ECRG4: variants seen among roughly 807,000 people sequenced by gnomAD.
ECRG4 encodes the protein augurin.
In ECRG4, 18 loss-of-function variants were observed where a neutral mutation model predicts 15.8. The observed-to-expected ratio is 1.14, with a 90% confidence interval of 0.79 to 1.69. The LOEUF (loss-of-function observed/expected upper bound fraction) is 1.69, where lower values mean the gene tolerates loss of function less well. Ranked by LOEUF, ECRG4 falls within the 40% of genes most tolerant of loss-of-function variation. The pLI is 0.00. For missense variants in ECRG4, 200 were observed against 190.9 expected, an observed-to-expected ratio of 1.05 and a Z score of -0.28; for synonymous variants, 82 against 73.9, an observed-to-expected ratio of 1.11 and a Z score of -0.56.
chr2:106,072,710 T>C (rs978137966), intron 2 of ECRG4, among the ~76,000 whole-genome samples: 8 of 152,250 alleles, frequency 5.3e-5, no homozygotes, highest in African/African-American at 1.7e-4. Context: ...CTTGGGGCGG[T>C]CCCAGCATCT....
At chr2:106,067,047 A>C (rs1676232089) in intron 1 of ECRG4, among the ~76,000 whole-genome samples, 1 of 29,244 alleles carries the variant, frequency 3.4e-5, no homozygotes. Flanking sequence ...TAATCCCAGC[A>C]CTTTGGGAGG....
At chr2:106,071,956 G>A in intron 2 of ECRG4, 65 bp downstream of exon 2, 1 of 1,392,618 alleles carries the variant, frequency 7.2e-7, no homozygotes, top group South Asian at 1.2e-5. Flanking sequence ...TGGCAATATG[G>A]ATTGTGCTCA....
intron 2 of ECRG4, among the ~76,000 whole-genome samples, chr2:106,073,175 G>A (rs1299598748): frequency 6.6e-6 from 1 of 152,200 alleles, no homozygotes; most frequent in Non-Finnish European, 1.5e-5. Flanking sequence ...GGAGAAAAAC[G>A]CCTAATGGCA....
intron 2 of ECRG4, among the ~76,000 whole-genome samples, chr2:106,072,920 G>A (rs774753310): frequency 5.9e-5 from 9 of 152,206 alleles, no homozygotes; most frequent in South Asian, 2.1e-4. Context: ...TGTGCATCCC[G>A]CAGCCTTGAC....
At chr2:106,075,531 G>T (rs967391392) in intron 3 of ECRG4, among the ~76,000 whole-genome samples, 1 of 152,146 alleles carries the variant, frequency 6.6e-6, no homozygotes, top group Non-Finnish European at 1.5e-5. Context: ...AGACCAGCCT[G>T]GCCAACAGGG....
chr2:106,067,824 T>C (rs923430414), intron 1 of ECRG4, among the ~76,000 whole-genome samples: 1 of 151,150 alleles, frequency 6.6e-6, no homozygotes, highest in East Asian at 2.0e-4. Flanking sequence ...TGACTCTTTA[T>C]GCCACCTCCA....
At chr2:106,067,699 T>G (rs555065989) in intron 1 of ECRG4, among the ~76,000 whole-genome samples, 54 of 152,148 alleles carry the variant, frequency 3.5e-4, no homozygotes, top group Non-Finnish European at 5.7e-4. Context: ...GTCAGGCTGG[T>G]CTCAAACTGC....
Position 106,078,028 on chromosome 2 carries a change from G to A in ECRG4, c.*102G>A, listed in dbSNP as rs1676523261. ...GTTTCTGATTTGCTCTATTTCAGCA[G>A]ATCTTTTCTACCTACTTTGTGTGAT... On this transcript the variant is annotated 3_prime_UTR_variant, in exon 4 of 4. Coordinates refer to ENST00000238044, the MANE Select transcript of ECRG4 (RefSeq NM_032411.3). 2 of 1,113,998 alleles carry A rather than the reference G, an allele frequency of 1.8e-6. No individual in the cohort carries two copies. The highest frequency in any genetic ancestry group is 5.4e-5 in the East Asian group (2 of 37,060). 69.0% of individuals were successfully genotyped at this position (1,113,998 alleles called of 1,614,324 possible).
At chr2:106,073,644 A>G (rs1676417325) in intron 2 of ECRG4, among the ~76,000 whole-genome samples, 1 of 152,198 alleles carries the variant, frequency 6.6e-6, no homozygotes, top group South Asian at 2.1e-4. Context: ...CTGAGGACCT[A>G]GAGGTTGAAG....
intron 3 of ECRG4, chr2:106,074,307 C>G (rs1353318091): frequency 2.6e-6 from 1 of 380,568 alleles, no homozygotes. Context: ...CTAGATTCAT[C>G]GAGAATCTGA....
chr2:106,077,962 G>C lies in ECRG4; in HGVS notation c.*36G>C, dbSNP rs888304735. On this transcript the variant is annotated 3_prime_UTR_variant, in exon 4 of 4. Coordinates refer to ENST00000238044, the MANE Select transcript of ECRG4 (RefSeq NM_032411.3). ...CCACACGCTGTACAAGAAGCAAATA[G>C]CGATTCTCTTCATGTATCTCCTAAT... The C allele has an allele frequency of 1.3e-6, 2 of 1,599,874 alleles. No homozygotes were observed. The highest frequency in any genetic ancestry group is 2.7e-5 in the African/African-American group (2 of 74,398).
chr2:106,067,953 G>A (rs1265450935), intron 1 of ECRG4, among the ~76,000 whole-genome samples: 6 of 151,240 alleles, frequency 4.0e-5, no homozygotes, highest in South Asian at 4.2e-4. Flanking sequence ...TCCCACCTCA[G>A]CCTCCCGAGT....
intron 2 of ECRG4, 67 bp from the exon 3 acceptor site, chr2:106,073,819 G>C (rs748320845): frequency 6.3e-7 from 1 of 1,581,792 alleles, no homozygotes; most frequent in African/African-American, 1.3e-5. Flanking sequence ...TGTATAACAG[G>C]GATTCACCGC....
intron 1 of ECRG4, among the ~76,000 whole-genome samples, chr2:106,071,349 A>AAAAAAG (rs1676366428): frequency 2.2e-5 from 3 of 137,522 alleles, no homozygotes; most frequent in Admixed American, 7.6e-5. Flanking sequence ...AAAAAAAAAA[A>AAAAAAG]AAAGAAAGAA....
Position 106,072,012 on chromosome 2 carries a change from G to T in ECRG4, c.127+121G>T, listed in dbSNP as rs1271002815. 3 of 781,098 alleles carry T rather than the reference G, an allele frequency of 3.8e-6. No individual in the cohort carries two copies. In the Admixed American group the frequency reaches 6.7e-5, roughly 17 times the overall value. The allele number at this position is 781,098 out of a possible 1,614,324, so 48.4% of individuals were successfully genotyped here. ...AATCAAAAGTGTTTACTCCTTAAAA[G>T]GTTAGCAGATATGAAGGGCTTATTC... On this transcript the variant is annotated intron_variant, in intron 2 of 3. Transcript: ENST00000238044.
chr2:106,069,287 T>C (rs553665895), intron 1 of ECRG4, among the ~76,000 whole-genome samples: 38 of 150,802 alleles, frequency 2.5e-4, no homozygotes, highest in South Asian at 6.3e-4. Context: ...CTTTTTCTCT[T>C]TCTTTCTTTC....
In ECRG4 at chr2:106,074,004, G is replaced by C. The variant is rs146499319; in HGVS notation, c.246G>C (p.Gln82His). Reference sequence around the variant, plus strand: ...ACCGGACTCGGCCCGAGGTGCAGCAGTGGTACCAGCAGTTTCTCTACATGG... The same window carrying C: ...ACCGGACTCGGCCCGAGGTGCAGCACTGGTACCAGCAGTTTCTCTACATGG... ...LWDRTRPEVQ[Q>H]WYQQFLYMGF... Residue 82 changes from glutamine to histidine, a missense_variant, in exon 3 of 4, where the codon CAG (glutamine) becomes CAC (histidine). Transcript: ENST00000238044. 12 of 1,613,716 alleles carry C rather than the reference G, an allele frequency of 7.4e-6. No homozygotes were observed. Among genetic ancestry groups the C allele is most frequent in the Non-Finnish European group, 1.0e-5 (12 of 1,180,058 alleles).
At chr2:106,073,813 T>G (rs1442990546) in intron 2 of ECRG4, 73 bp from the exon 3 acceptor site, 10 of 1,569,150 alleles carry the variant, frequency 6.4e-6, no homozygotes, top group Non-Finnish European at 7.9e-6. Flanking sequence ...ATGGGATGTA[T>G]AACAGGGATT....
intron 2 of ECRG4, among the ~76,000 whole-genome samples, chr2:106,072,671 G>C (rs1676396088): frequency 6.6e-6 from 1 of 152,206 alleles, no homozygotes; most frequent in Non-Finnish European, 1.5e-5. Context: ...GCTGCTCAGG[G>C]GCCCTCCCAC....
Sources: gnomAD v4.1 joint callset for allele counts (sites outside exome capture counted in the v4.1 genomes callset) on GRCh38, gnomAD v4.1.1 for gene constraint, MANE v1.5 for transcripts, NCBI Gene and HGNC (gene_info 2026-07-23, HGNC 2026-07-21) for gene names.